BMP7: variants seen among roughly 807,000 people sequenced by gnomAD.
The protein encoded by BMP7 is osteogenic protein 1.
BMP7 carries 12 observed loss-of-function variants against 41.2 expected under a neutral mutation model. That is an observed-to-expected ratio of 0.29 (90% CI 0.19 to 0.47). The LOEUF (loss-of-function observed/expected upper bound fraction) is 0.47. Among genes scored for constraint, BMP7 ranks in the 20% least tolerant of loss-of-function variants. BMP7 has a pLI of 0.99. For synonymous variants in BMP7, 248 were observed against 250.0 expected, an observed-to-expected ratio of 0.99 and a Z score of 0.07; for missense variants, 467 against 606.0, an observed-to-expected ratio of 0.77 and a Z score of 2.41.
rs536869470 is a variant in BMP7, at chr20:57,232,587, G to A, written c.419-4166C>T. 8.8e-4 allele frequency among the ~76,000 whole-genome samples: 134 copies of A among 152,238 alleles called. 1 individual carries two copies. Among genetic ancestry groups the A allele is most frequent in the African/African-American group, 3.0e-3 (125 of 41,550 alleles). On this transcript the variant is annotated intron_variant, in intron 1 of 6. Transcript: ENST00000395863. ...AGGTACAACTGTTTTTAATATAGAAGATGAACTGTATCTTAACTGTTAAGG... is the reference window on the plus strand; with the variant it reads ...AGGTACAACTGTTTTTAATATAGAAAATGAACTGTATCTTAACTGTTAAGG...
chr20:57,260,411 G>T (rs1055257575), intron 1 of BMP7, among the ~76,000 whole-genome samples: 2 of 152,114 alleles, frequency 1.3e-5, no homozygotes, highest in Admixed American at 6.6e-5. Flanking sequence ...TCCTGGTGAC[G>T]TCATCTCCTC....
chr20:57,197,545 G>T (rs1437285222), intron 3 of BMP7, among the ~76,000 whole-genome samples: 3 of 152,184 alleles, frequency 2.0e-5, no homozygotes, highest in African/African-American at 7.2e-5. Flanking sequence ...CCAAAGCCCA[G>T]ATCTACACCT....
At chr20:57,175,300 G>A (rs760087726) in intron 4 of BMP7, among the ~76,000 whole-genome samples, 4 of 152,150 alleles carry the variant, frequency 2.6e-5, no homozygotes, top group Non-Finnish European at 4.4e-5. Flanking sequence ...TTTTATACAC[G>A]TGTGTTGTTT....
chr20:57,226,274 G>A (rs545838642), intron 2 of BMP7, among the ~76,000 whole-genome samples: 13 of 152,224 alleles, frequency 8.5e-5, no homozygotes, highest in Non-Finnish European at 1.9e-4. Flanking sequence ...TAACAGCCTG[G>A]ACACAGAGGC....
In BMP7 at chr20:57,169,267, C is replaced by A. The variant is rs998400595; in HGVS notation, c.*1692G>T. ...GTCAAGATGGAGAAACAGTCCCCCA[C>A]AAGACCGGGTTCCACATGGCCACAG... On this transcript the variant is annotated 3_prime_UTR_variant, in exon 7 of 7. Coordinates refer to ENST00000395863, the MANE Select transcript of BMP7 (RefSeq NM_001719.3). 15 of 152,232 alleles carry A rather than the reference C, an allele frequency of 9.9e-5. No individual in the cohort carries two copies. The highest frequency in any genetic ancestry group is 2.9e-5 in the Non-Finnish European group (2 of 68,048). The allele number at this position is 152,232 out of a possible 1,614,324, so 9.4% of individuals were successfully genotyped here.
At chr20:57,211,343 C>T (rs1404621565) in intron 2 of BMP7, among the ~76,000 whole-genome samples, 1 of 152,188 alleles carries the variant, frequency 6.6e-6, no homozygotes, top group East Asian at 1.9e-4. Flanking sequence ...TTACTCGAAG[C>T]ACAGAAAGCC....
intron 1 of BMP7, among the ~76,000 whole-genome samples, chr20:57,242,159 C>T (rs1002967660): frequency 6.6e-6 from 1 of 152,216 alleles, no homozygotes; most frequent in Non-Finnish European, 1.5e-5. Flanking sequence ...TTGTCCTCCC[C>T]TCACTCCCAT....
chr20:57,232,866 C>T (rs1247330474), intron 1 of BMP7, among the ~76,000 whole-genome samples: 1 of 143,100 alleles, frequency 7.0e-6, no homozygotes, highest in Non-Finnish European at 1.5e-5. Flanking sequence ...CACACACACA[C>T]ACACACACAC....
chr20:57,223,943 G>A (rs936331508), intron 2 of BMP7, among the ~76,000 whole-genome samples: 1 of 152,216 alleles, frequency 6.6e-6, no homozygotes, highest in South Asian at 2.1e-4. Context: ...CCCGAGGGCC[G>A]CCCTGTGAGG....
At chr20:57,206,662 T>G (rs145498501) in intron 2 of BMP7, among the ~76,000 whole-genome samples, 134 of 152,352 alleles carry the variant, frequency 8.8e-4, no homozygotes, top group African/African-American at 2.9e-3. Flanking sequence ...TCCCGTGTCT[T>G]GGTTTCCTCT....
chr20:57,249,704 G>A (rs6127985), intron 1 of BMP7, among the ~76,000 whole-genome samples: 28,589 of 152,172 alleles, frequency 0.19, 2,819 homozygotes, highest in Admixed American at 0.25. Context: ...AATTACAGCT[G>A]CTGAACTAAA....
intron 2 of BMP7, among the ~76,000 whole-genome samples, chr20:57,204,202 C>A (rs976775510): frequency 5.3e-5 from 8 of 152,170 alleles, no homozygotes; most frequent in African/African-American, 1.4e-4. Context: ...CCCACTAAGC[C>A]ACGGGCAGGA....
At chr20:57,191,734 C>CAT (rs113487248) in intron 3 of BMP7, among the ~76,000 whole-genome samples, 81,239 of 139,854 alleles carry the variant, frequency 0.58, 24,498 homozygotes, top group African/African-American at 0.73. Flanking sequence ...CCACCTAAAA[C>CAT]ATATATATAT....
At chr20:57,219,374 G>T (rs1408806214) in intron 2 of BMP7, among the ~76,000 whole-genome samples, 1 of 135,546 alleles carries the variant, frequency 7.4e-6, no homozygotes, top group Non-Finnish European at 1.6e-5. Context: ...CTTCGGCTGT[G>T]TCACCCAGAG....
At chr20:57,222,441 C>A (rs889544652) in intron 2 of BMP7, among the ~76,000 whole-genome samples, 2 of 152,042 alleles carry the variant, frequency 1.3e-5, no homozygotes, top group African/African-American at 4.8e-5. Flanking sequence ...CATCTCTGCC[C>A]AGCTGGGTGG....
At chr20:57,262,501 C>T (rs1037825344) in intron 1 of BMP7, among the ~76,000 whole-genome samples, 8 of 152,170 alleles carry the variant, frequency 5.3e-5, no homozygotes, top group African/African-American at 1.7e-4. Context: ...GTTTAGATCC[C>T]GCTCAGCCTG....
chr20:57,259,605 T>C lies in BMP7; in HGVS notation c.418+6100A>G, dbSNP rs1284475105. ...TACCCTAAAGCTGGTGCTCTCGGAG[T>C]TGTCATTAATTCAATCCACTCCACG... On this transcript the variant is annotated intron_variant, in intron 1 of 6. Coordinates refer to ENST00000395863, the MANE Select transcript of BMP7 (RefSeq NM_001719.3). The surrounding 1 kb of genome is among the most constrained non-coding windows in gnomAD (Gnocchi z 4.7). Among the ~76,000 whole-genome samples the C allele has an allele frequency of 1.3e-5, 2 of 152,026 alleles. No individual in the cohort carries two copies. The highest frequency in any genetic ancestry group is 3.8e-4 in the East Asian group (2 of 5,196).
chr20:57,204,396 G>A (rs76933714), intron 2 of BMP7, among the ~76,000 whole-genome samples: 2,237 of 152,264 alleles, frequency 0.015, 62 homozygotes, highest in African/African-American at 0.051. Context: ...TTAGACATTC[G>A]TCAGGCACAT....
intron 1 of BMP7, among the ~76,000 whole-genome samples, chr20:57,234,199 G>T (rs927629773): frequency 6.6e-6 from 1 of 152,198 alleles, no homozygotes; most frequent in African/African-American, 2.4e-5. Flanking sequence ...CTTCTCCCCA[G>T]TTGAGGGATG....
Sources: gnomAD v4.1 joint callset for allele counts (sites outside exome capture counted in the v4.1 genomes callset) on GRCh38, gnomAD v4.1.1 for gene constraint, Gnocchi (gnomAD v3.1) non-coding constraint, MANE v1.5 for transcripts, NCBI Gene and HGNC (gene_info 2026-07-23, HGNC 2026-07-21) for gene names.